Variants in ITPR1 observed in about 807,000 individuals in gnomAD.
The protein encoded by ITPR1 is inositol 1,4,5-trisphosphate-gated calcium channel ITPR1.
Under a neutral mutation model 318.4 loss-of-function variants are expected in ITPR1, and 96 were observed. The ratio of observed to expected loss-of-function variants is 0.30; its 90% confidence interval spans 0.26 to 0.36. ITPR1 has a LOEUF of 0.36. Among genes scored for constraint, ITPR1 ranks in the 10% least tolerant of loss-of-function variants. The pLI is 1.00. For synonymous variants in ITPR1, 1,312 were observed against 1,289.9 expected, an observed-to-expected ratio of 1.02 and a Z score of -0.37; for missense variants, 2,440 against 3,460.2, an observed-to-expected ratio of 0.71 and a Z score of 7.40.
intron 12 of ITPR1, among the ~76,000 whole-genome samples, chr3:4,655,144 GT>G (rs1353968634): frequency 1.3e-4 from 20 of 152,284 alleles, no homozygotes; most frequent in African/African-American, 4.3e-4. Flanking sequence ...TGGGAGGGAC[GT>G]CATGTTTCAC....
chr3:4,531,288 A>G (rs2083393764), intron 4 of ITPR1, among the ~76,000 whole-genome samples: 1 of 152,182 alleles, frequency 6.6e-6, no homozygotes, highest in African/African-American at 2.4e-5. Context: ...CGCAGGGGTA[A>G]CTTGGAGGCT....
chr3:4,528,461 A>G (rs2083156160), intron 4 of ITPR1, among the ~76,000 whole-genome samples: 1 of 152,172 alleles, frequency 6.6e-6, no homozygotes, highest in African/African-American at 2.4e-5. Context: ...GCTTTCTTTC[A>G]AACGACCCTC....
chr3:4,507,795 A>G (rs533306166), intron 2 of ITPR1, among the ~76,000 whole-genome samples: 2 of 152,206 alleles, frequency 1.3e-5, no homozygotes, highest in Non-Finnish European at 2.9e-5. Flanking sequence ...GTGTCCTACA[A>G]TAGAAATTAG....
At chr3:4,505,351 C>G (rs1245995712) in intron 2 of ITPR1, among the ~76,000 whole-genome samples, 2 of 152,160 alleles carry the variant, frequency 1.3e-5, no homozygotes, top group African/African-American at 4.8e-5. Flanking sequence ...AGCCACCACG[C>G]CTGGCTAATT....
At chr3:4,669,606 AACCTCTGC>A in intron 18 of ITPR1, 40 bp from the exon 19 acceptor site, 1 of 1,556,726 alleles carries the variant, frequency 6.4e-7, no homozygotes, top group South Asian at 1.2e-5. Flanking sequence ...CCAGGAGCCT[AACCTCTGC>A]TCTATCTACA....
chr3:4,809,569 G>C (rs1347363860), intron 55 of ITPR1, among the ~76,000 whole-genome samples: 1 of 150,080 alleles, frequency 6.7e-6, no homozygotes, highest in Non-Finnish European at 1.5e-5. Context: ...TCTCTAGATG[G>C]TGAATTATTA....
At chr3:4,811,147 T>C (rs2048917065) in intron 55 of ITPR1, 118 bp from the exon 56 acceptor site, 1 of 581,896 alleles carries the variant, frequency 1.7e-6, no homozygotes, top group Non-Finnish European at 2.9e-6. Flanking sequence ...TAAGATCATA[T>C]GTAGTGCTTT....
intron 26 of ITPR1, 25 bp from the exon 27 acceptor site, chr3:4,683,361 C>G (rs778671846): frequency 1.2e-6 from 2 of 1,613,940 alleles, no homozygotes; most frequent in Non-Finnish European, 1.7e-6. Context: ...TTCATTTGGC[C>G]TTTCCCCACC....
chr3:4,563,375 G>T (rs528494846), intron 4 of ITPR1, among the ~76,000 whole-genome samples: 1 of 152,254 alleles, frequency 6.6e-6, no homozygotes, highest in African/African-American at 2.4e-5. Flanking sequence ...TGGGCATGGT[G>T]ATGCACACCT....
chr3:4,567,001 C>T (rs916673860), intron 4 of ITPR1, among the ~76,000 whole-genome samples: 9 of 152,206 alleles, frequency 5.9e-5, no homozygotes, highest in African/African-American at 2.2e-4. Context: ...TGAATCCTGG[C>T]AGTGCCACTT....
chr3:4,555,561 A>G (rs1021178957), intron 4 of ITPR1, among the ~76,000 whole-genome samples: 2 of 152,210 alleles, frequency 1.3e-5, no homozygotes, highest in African/African-American at 4.8e-5. Context: ...GCAATGGAAT[A>G]TTACTCAGTG....
intron 4 of ITPR1, among the ~76,000 whole-genome samples, chr3:4,622,218 G>A (rs1328368252): frequency 3.4e-5 from 5 of 148,760 alleles, no homozygotes; most frequent in African/African-American, 1.2e-4. Flanking sequence ...GGGTTCAAAC[G>A]ATTCTCCTGC....
chr3:4,834,908 T>A (rs868381145), intron 60 of ITPR1, among the ~76,000 whole-genome samples: 2 of 152,210 alleles, frequency 1.3e-5, no homozygotes, highest in Non-Finnish European at 2.9e-5. Flanking sequence ...AGGTAGAGAT[T>A]GCCATTTTTC....
In ITPR1 at chr3:4,697,162, A is replaced by G. The variant is rs1438502265; in HGVS notation, c.4297A>G (p.Ile1433Val). 4 of 1,610,346 alleles carry G rather than the reference A, an allele frequency of 2.5e-6. No homozygotes were observed. Among genetic ancestry groups the G allele is most frequent in the Non-Finnish European group, 3.4e-6 (4 of 1,178,138 alleles). The change falls in exon 34 of 62, where the codon ATT becomes GTT. Residue 1433 changes from isoleucine (I) to valine (V), a missense_variant. By Grantham distance (29) the Ile-to-Val change is conservative. Around this residue, in one of 23 missense-constraint regions of ITPR1, gnomAD observed 222 missense variants for 318.8 expected, o/e 0.70. Coordinates refer to ENST00000649015, the MANE Select transcript of ITPR1 (RefSeq NM_001378452.1). ...DCIPEVKIAY[I>V]NFLNHCYVDT... ...TATCTTGCAGGTTAAAATTGCATACATTAACTTCCTGAATCACTGCTATGT... is the reference window on the plus strand; with the variant it reads ...TATCTTGCAGGTTAAAATTGCATACGTTAACTTCCTGAATCACTGCTATGT...
At chr3:4,738,291 G>A (rs1398408071) in intron 44 of ITPR1, among the ~76,000 whole-genome samples, 2 of 152,184 alleles carry the variant, frequency 1.3e-5, no homozygotes, top group African/African-American at 4.8e-5. Flanking sequence ...TATGTTATAT[G>A]TCAATCAACA....
At chr3:4,800,247 G>T in intron 53 of ITPR1, 178 bp from the exon 54 acceptor site, 1 of 568,242 alleles carries the variant, frequency 1.8e-6, no homozygotes. Context: ...GTGGAGGCTT[G>T]GAGGTCAAAA....
intron 15 of ITPR1, 89 bp from the exon 16 acceptor site, chr3:4,662,976 G>C: frequency 2.6e-6 from 3 of 1,165,108 alleles, no homozygotes; most frequent in Non-Finnish European, 3.7e-6. Context: ...TGTTTAACTG[G>C]CTCATTCGTC....
At chr3:4,505,871 C>T (rs1238328852) in intron 2 of ITPR1, among the ~76,000 whole-genome samples, 1 of 152,024 alleles carries the variant, frequency 6.6e-6, no homozygotes, top group Non-Finnish European at 1.5e-5. Flanking sequence ...CTCATGTGTC[C>T]CTTTTGTATA....
chr3:4,791,119 C>T (rs2047526807), intron 52 of ITPR1, among the ~76,000 whole-genome samples: 1 of 152,136 alleles, frequency 6.6e-6, no homozygotes, highest in Non-Finnish European at 1.5e-5. Context: ...CAAACACAAA[C>T]AAAAAACTAG....
Sources: allele counts gnomAD v4.1 joint callset (sites outside exome capture counted in the v4.1 genomes callset), GRCh38; gene constraint gnomAD v4.1.1; regional missense constraint gnomAD v4.1.1; transcripts MANE v1.5; gene names NCBI Gene and HGNC (gene_info 2026-07-23, HGNC 2026-07-21).